Variants in PKIA observed in about 807,000 individuals in gnomAD.
PKIA encodes the protein PKI-alpha.
Under a neutral mutation model 7.6 loss-of-function variants are expected in PKIA, and 4 were observed. The observed-to-expected ratio is 0.52, with a 90% CI of 0.26 to 1.20. The LOEUF is 1.20. Ranked by LOEUF, PKIA falls within the 50% of genes most tolerant of loss-of-function variation. The pLI is 0.13. For missense variants in PKIA, 73 were observed against 86.2 expected, an observed-to-expected ratio of 0.85 and a Z score of 0.61; for synonymous variants, 21 against 30.7, an observed-to-expected ratio of 0.68 and a Z score of 1.04.
rs556518412 is a variant in PKIA, at chr8:78,548,058, TATGAA to T, written c.-156-24750_-156-24746del. Among the ~76,000 whole-genome samples, 516 of 152,192 alleles carry T rather than the reference TATGAA, an allele frequency of 3.4e-3. 2 individuals carry two copies. Among genetic ancestry groups the T allele is most frequent in the Non-Finnish European group, 5.5e-3 (374 of 67,972 alleles). ...CTCACAAATATATTAAGATAAATAG[TATGAA>T]ATAAGTTTTAAAAAATATTAGAATA... On this transcript the variant is annotated intron_variant, in intron 1 of 3. Coordinates refer to ENST00000396418, the MANE Select transcript of PKIA (RefSeq NM_006823.4).
At chr8:78,531,537 A>G (rs1159866357) in intron 1 of PKIA, among the ~76,000 whole-genome samples, 1 of 152,106 alleles carries the variant, frequency 6.6e-6, no homozygotes, top group Non-Finnish European at 1.5e-5. Context: ...AACCAAATGA[A>G]TTTCTCCTAA....
At chr8:78,562,723 G>C (rs1807313614) in intron 1 of PKIA, among the ~76,000 whole-genome samples, 1 of 152,022 alleles carries the variant, frequency 6.6e-6, no homozygotes, top group South Asian at 2.1e-4. Flanking sequence ...CCATTAACCA[G>C]TTTCACTTGT....
intron 1 of PKIA, among the ~76,000 whole-genome samples, chr8:78,551,235 G>T: frequency 6.6e-6 from 1 of 152,106 alleles, no homozygotes; most frequent in Middle Eastern, 3.2e-3. Context: ...TCAGAGACAT[G>T]TTCCTGGAGG....
intron 1 of PKIA, among the ~76,000 whole-genome samples, chr8:78,523,979 T>TA (rs1809471845): frequency 5.8e-5 from 7 of 121,246 alleles, no homozygotes; most frequent in African/African-American, 1.5e-4. Flanking sequence ...AACATTTATA[T>TA]TTATAAATAT....
chr8:78,533,660 A>T (rs962306066), intron 1 of PKIA, among the ~76,000 whole-genome samples: 2 of 152,082 alleles, frequency 1.3e-5, no homozygotes, highest in African/African-American at 4.8e-5. Context: ...GTTCGAGACC[A>T]GCCAGGGCAA....
At chr8:78,584,092 A>AT (rs887286440) in intron 2 of PKIA, among the ~76,000 whole-genome samples, 1 of 152,136 alleles carries the variant, frequency 6.6e-6, no homozygotes, top group Non-Finnish European at 1.5e-5. Context: ...GCATTTTAAC[A>AT]TGTTGATAAG....
intron 1 of PKIA, among the ~76,000 whole-genome samples, chr8:78,559,262 A>G (rs1449627482): frequency 6.6e-6 from 1 of 152,092 alleles, no homozygotes; most frequent in Non-Finnish European, 1.5e-5. Flanking sequence ...CATATATACT[A>G]CCGACTCTAG....
intron 1 of PKIA, among the ~76,000 whole-genome samples, chr8:78,546,187 T>G (rs1272591803): frequency 6.6e-6 from 1 of 152,182 alleles, no homozygotes; most frequent in East Asian, 1.9e-4. Flanking sequence ...GACTAGTTTA[T>G]TTGGAAACTA....
chr8:78,603,727 C>G lies in PKIA; in HGVS notation c.*1906C>G, dbSNP rs1217978305. The G allele has an allele frequency of 6.6e-6, 1 of 151,956 alleles. No homozygotes were observed. Among genetic ancestry groups the G allele is most frequent in the Non-Finnish European group, 1.5e-5 (1 of 67,920 alleles). 9.4% of individuals were successfully genotyped at this position (151,956 alleles called of 1,614,324 possible). On this transcript the variant is annotated 3_prime_UTR_variant, in exon 4 of 4. Coordinates refer to ENST00000396418, the MANE Select transcript of PKIA (RefSeq NM_006823.4). ...CCCTACAGTCAGTTTTCAGTATCCTCATTTAATATTTTAATAGGTTTCTTG... is the reference window on the plus strand; with the variant it reads ...CCCTACAGTCAGTTTTCAGTATCCTGATTTAATATTTTAATAGGTTTCTTG...
intron 1 of PKIA, among the ~76,000 whole-genome samples, chr8:78,517,791 T>G (rs1372679731): frequency 3.9e-5 from 6 of 152,180 alleles, no homozygotes. Context: ...ATGGCTGTTA[T>G]GGGGATTGCA....
intron 1 of PKIA, among the ~76,000 whole-genome samples, chr8:78,528,074 A>G (rs1394903105): frequency 6.6e-6 from 1 of 152,084 alleles, no homozygotes; most frequent in Non-Finnish European, 1.5e-5. Flanking sequence ...CTTTTTCTAT[A>G]CTTACTGCTA....
intron 2 of PKIA, among the ~76,000 whole-genome samples, chr8:78,594,523 C>T (rs1808183924): frequency 1.3e-5 from 2 of 152,086 alleles, no homozygotes; most frequent in African/African-American, 4.8e-5. Flanking sequence ...TAGGTTGGGA[C>T]GTGGAGAAAC....
At chr8:78,565,433 T>C (rs970620524) in intron 1 of PKIA, among the ~76,000 whole-genome samples, 13 of 152,014 alleles carry the variant, frequency 8.6e-5, no homozygotes, top group Admixed American at 8.5e-4. Context: ...TGAATTATAA[T>C]TTGGTCTTCT....
At chr8:78,567,383 T>C (rs1279069935) in intron 1 of PKIA, among the ~76,000 whole-genome samples, 2 of 152,174 alleles carry the variant, frequency 1.3e-5, no homozygotes, top group African/African-American at 4.8e-5. Flanking sequence ...TTTCTCATAC[T>C]TTCCTTATTT....
chr8:78,563,901 AGGTCGGCTGT>A (rs1217438412), intron 1 of PKIA, among the ~76,000 whole-genome samples: 2 of 152,134 alleles, frequency 1.3e-5, no homozygotes, highest in African/African-American at 4.8e-5. Context: ...TATAAGGAGT[AGGTCGGCTGT>A]GGAAGACTCA....
At chr8:78,517,532 G>A (rs1405569646) in intron 1 of PKIA, among the ~76,000 whole-genome samples, 1 of 152,212 alleles carries the variant, frequency 6.6e-6, no homozygotes, top group Non-Finnish European at 1.5e-5. Flanking sequence ...GAGTCCGTTT[G>A]CCTCTAGGAT....
At chr8:78,541,554 T>C (rs564752697) in intron 1 of PKIA, among the ~76,000 whole-genome samples, 6 of 152,294 alleles carry the variant, frequency 3.9e-5, no homozygotes, top group African/African-American at 1.4e-4. Context: ...TATATAGTAA[T>C]GTGAACTTTT....
rs940991361 is a variant in PKIA at position 78,572,878 on chromosome 8, T to A, written c.-89T>A. ...ATTTCTGATAGAAATCTGAAGGTCATCTCCAAGAAAAAAGAGATCTAGTAT... is the reference window on the plus strand; with the variant it reads ...ATTTCTGATAGAAATCTGAAGGTCAACTCCAAGAAAAAAGAGATCTAGTAT... On this transcript the variant is annotated 5_prime_UTR_variant, in exon 2 of 4. Transcript: ENST00000396418. 3 of 151,822 alleles carry A rather than the reference T, an allele frequency of 2.0e-5. No homozygotes were observed. Among genetic ancestry groups the A allele is most frequent in the African/African-American group, 7.3e-5 (3 of 41,324 alleles). The allele number at this position is 151,822 out of a possible 1,614,324, so 9.4% of individuals were successfully genotyped here.
intron 1 of PKIA, among the ~76,000 whole-genome samples, chr8:78,566,670 G>C (rs766212941): frequency 2.4e-4 from 36 of 152,000 alleles, no homozygotes; most frequent in Non-Finnish European, 4.0e-4. Context: ...GGCTTTATAG[G>C]CAGAAATAAC....
Sources: gnomAD v4.1 joint callset for allele counts (sites outside exome capture counted in the v4.1 genomes callset) on GRCh38, gnomAD v4.1.1 for gene constraint, MANE v1.5 for transcripts, NCBI Gene and HGNC (gene_info 2026-07-23, HGNC 2026-07-21) for gene names.